CYB5R4: variants seen among roughly 807,000 people sequenced by gnomAD.
CYB5R4 encodes the protein N-terminal cytochrome b5 and cytochrome b5 oxidoreductase domain-containing protein.
Under a neutral mutation model 70.2 loss-of-function variants are expected in CYB5R4, and 55 were observed. The observed-to-expected ratio is 0.78, with a 90% confidence interval of 0.63 to 0.98. CYB5R4 has a LOEUF of 0.98. Among genes scored for constraint, CYB5R4 ranks in the 50% least tolerant of loss-of-function variants. The pLI, the probability that CYB5R4 is intolerant of heterozygous loss-of-function variation, is 0.00. For missense variants in CYB5R4, 562 were observed against 612.6 expected (o/e 0.92, Z 0.87); for synonymous variants, 197 against 199.5 (o/e 0.99, Z 0.11).
intron 14 of CYB5R4, among the ~76,000 whole-genome samples, chr6:83,942,972 A>G (rs1270112775): frequency 6.6e-6 from 1 of 152,186 alleles, no homozygotes; most frequent in East Asian, 1.9e-4. Context: ...TCAGAGGCTT[A>G]TAGATAAAAT....
At chr6:83,931,813 T>TA (rs1455094142) in intron 10 of CYB5R4, among the ~76,000 whole-genome samples, 1 of 150,560 alleles carries the variant, frequency 6.6e-6, no homozygotes, top group East Asian at 1.9e-4. Context: ...ATTTTTTTTT[T>TA]ATTATACTTT....
At chr6:83,908,372 A>T (rs910042550) in intron 3 of CYB5R4, among the ~76,000 whole-genome samples, 4 of 152,172 alleles carry the variant, frequency 2.6e-5, no homozygotes, top group Admixed American at 6.5e-5. Flanking sequence ...TCATGAAAAA[A>T]GCCTAGTTGC....
chr6:83,909,629 G>A (rs1332113184), intron 4 of CYB5R4, among the ~76,000 whole-genome samples: 1 of 152,112 alleles, frequency 6.6e-6, no homozygotes, highest in Non-Finnish European at 1.5e-5. Flanking sequence ...AAAAACTACA[G>A]AGTTATTTAA....
chr6:83,922,630 A>T (rs892354001), intron 9 of CYB5R4, among the ~76,000 whole-genome samples, 160 bp downstream of exon 9: 2 of 142,872 alleles, frequency 1.4e-5, no homozygotes, highest in East Asian at 4.2e-4. Flanking sequence ...TTTTTTTTTT[A>T]AACTTTTAAG....
intron 8 of CYB5R4, among the ~76,000 whole-genome samples, chr6:83,921,576 A>C (rs2099466381): frequency 6.6e-6 from 1 of 152,198 alleles, no homozygotes; most frequent in Non-Finnish European, 1.5e-5. Flanking sequence ...TGGCTGCAGC[A>C]AAGCAGCCTG....
chr6:83,899,286 G>A (rs2099462454), intron 3 of CYB5R4, among the ~76,000 whole-genome samples: 1 of 151,882 alleles, frequency 6.6e-6, no homozygotes, highest in African/African-American at 2.4e-5. Context: ...TGTGTATGTT[G>A]AACCAGCCTT....
chr6:83,871,063 G>A (rs991977795), intron 2 of CYB5R4, among the ~76,000 whole-genome samples: 4 of 137,232 alleles, frequency 2.9e-5, no homozygotes, highest in African/African-American at 5.6e-5. Context: ...TGCAACCTCC[G>A]TCTCCCGGGT....
chr6:83,944,061 A>G (rs2099470197), intron 14 of CYB5R4, among the ~76,000 whole-genome samples: 1 of 152,198 alleles, frequency 6.6e-6, no homozygotes, highest in Non-Finnish European at 1.5e-5. Flanking sequence ...ACAGGCCAAC[A>G]TTCAACTTCA....
At chr6:83,901,368 C>G (rs2099462924) in intron 3 of CYB5R4, among the ~76,000 whole-genome samples, 1 of 152,152 alleles carries the variant, frequency 6.6e-6, no homozygotes, top group Admixed American at 6.5e-5. Flanking sequence ...GGTTACCCGA[C>G]CTTTCTCTCT....
intron 1 of CYB5R4, among the ~76,000 whole-genome samples, chr6:83,860,735 A>C (rs2099455802): frequency 1.3e-5 from 2 of 152,056 alleles, no homozygotes; most frequent in Non-Finnish European, 2.9e-5. Context: ...CTCCACTTAG[A>C]CCTGGCGTTC....
At chr6:83,915,449 G>A (rs576740549) in intron 5 of CYB5R4, among the ~76,000 whole-genome samples, 4 of 152,302 alleles carry the variant, frequency 2.6e-5, no homozygotes, top group African/African-American at 9.6e-5. Context: ...ATGAGGGACT[G>A]ATCTTTGGTT....
At chr6:83,921,551 G>A (rs1000025040) in intron 8 of CYB5R4, among the ~76,000 whole-genome samples, 1 of 152,094 alleles carries the variant, frequency 6.6e-6, no homozygotes, top group African/African-American at 2.4e-5. Flanking sequence ...TGCCAGTTCT[G>A]CCATAGGAAG....
intron 2 of CYB5R4, among the ~76,000 whole-genome samples, chr6:83,890,908 A>G (rs1184143680): frequency 6.6e-6 from 1 of 152,190 alleles, no homozygotes; most frequent in African/African-American, 2.4e-5. Context: ...ACATAATGTT[A>G]TTGCACACTT....
chr6:83,913,655 A>C (rs1369113487), intron 4 of CYB5R4, among the ~76,000 whole-genome samples: 1 of 152,204 alleles, frequency 6.6e-6, no homozygotes, highest in Non-Finnish European at 1.5e-5. Context: ...TTTGATTTTA[A>C]ATACGTTAGT....
chr6:83,959,760 G>C (rs2099473039), intron 15 of CYB5R4, 64 bp from the exon 16 acceptor site: 1 of 1,370,424 alleles, frequency 7.3e-7, no homozygotes, highest in Non-Finnish European at 1.0e-6. Flanking sequence ...GTGGTAAACT[G>C]CTCTTATTTC....
intron 2 of CYB5R4, among the ~76,000 whole-genome samples, chr6:83,875,156 A>G (rs762560894): frequency 6.6e-6 from 1 of 152,170 alleles, no homozygotes; most frequent in Non-Finnish European, 1.5e-5. Context: ...TTAATGTACC[A>G]CTTTTCTCCC....
intron 4 of CYB5R4, among the ~76,000 whole-genome samples, chr6:83,909,794 A>G (rs2099464386): frequency 6.6e-6 from 1 of 152,106 alleles, no homozygotes; most frequent in Non-Finnish European, 1.5e-5. Context: ...TCAGGGGGAC[A>G]TTTGGCAATG....
At chr6:83,921,629 G>A (rs546561613) in intron 8 of CYB5R4, among the ~76,000 whole-genome samples, 1 of 152,120 alleles carries the variant, frequency 6.6e-6, no homozygotes, top group Non-Finnish European at 1.5e-5. Flanking sequence ...CAGTCCCTTC[G>A]TGGCTAAAGA....
chr6:83,943,539 A>G (rs1380572673), intron 14 of CYB5R4, among the ~76,000 whole-genome samples: 1 of 152,192 alleles, frequency 6.6e-6, no homozygotes, highest in Non-Finnish European at 1.5e-5. Flanking sequence ...GAAAATGCCA[A>G]CAACCAGAAT....
Sources: allele counts gnomAD v4.1 joint callset (sites outside exome capture counted in the v4.1 genomes callset), GRCh38; gene constraint gnomAD v4.1.1; transcripts MANE v1.5; gene names NCBI Gene and HGNC (gene_info 2026-07-23, HGNC 2026-07-21).